The following SPMIP4 variants were observed in gnomAD, a reference collection of about 807,000 sequenced individuals.
SPMIP4 encodes the protein sperm microtubule inner protein 4.
the SPMIP4 span, chr7:25,151,778 G>A: frequency 3.2e-6 from 2 of 633,838 alleles, no homozygotes; most frequent in Admixed American, 2.8e-5. Context: ...GGTAGAGATG[G>A]ATGTTGGTGT....
the SPMIP4 span, chr7:25,142,807 C>G: frequency 6.6e-6 from 10 of 1,520,150 alleles, no homozygotes; most frequent in Admixed American, 2.2e-4. Flanking sequence ...CTCAACACCT[C>G]TGGGAAACTA....
At chr7:25,149,859 G>A in the SPMIP4 span, among the ~76,000 whole-genome samples, 1 of 152,170 alleles carries the variant, frequency 6.6e-6, no homozygotes, top group East Asian at 1.9e-4. Context: ...ATGAATTGAA[G>A]CTCAGAAAAG....
chr7:25,134,252 T>A, the SPMIP4 span, among the ~76,000 whole-genome samples: 1 of 147,380 alleles, frequency 6.8e-6, no homozygotes, highest in Admixed American at 6.8e-5. Flanking sequence ...AGTGTGAGAC[T>A]CTGACTTAAA....
chr7:25,165,857 A>G, the SPMIP4 span, among the ~76,000 whole-genome samples: 1 of 152,216 alleles, frequency 6.6e-6, no homozygotes, highest in East Asian at 1.9e-4. Context: ...GTGACAGTCC[A>G]CTGGCACTCA....
chr7:25,152,096 C>A, the SPMIP4 span, among the ~76,000 whole-genome samples: 1 of 151,880 alleles, frequency 6.6e-6, no homozygotes. Flanking sequence ...TAGTACTTCA[C>A]CTTTCTTCTT....
At chr7:25,160,152 G>A in the SPMIP4 span, among the ~76,000 whole-genome samples, 1 of 134,968 alleles carries the variant, frequency 7.4e-6, no homozygotes, top group Non-Finnish European at 1.7e-5. Flanking sequence ...TCACCAAAGG[G>A]ATAAACCGAG....
chr7:25,155,244 GGTT>G, the SPMIP4 span: 1 of 1,448,932 alleles, frequency 6.9e-7, no homozygotes, highest in Non-Finnish European at 9.2e-7. Flanking sequence ...AAAGAAGTAT[GGTT>G]GAAAAAATTA....
At chr7:25,135,581 T>C in the SPMIP4 span, 1 of 905,442 alleles carries the variant, frequency 1.1e-6, no homozygotes, top group Non-Finnish European at 1.3e-6. Context: ...CTATAATTTG[T>C]ATAGTCATTC....
the SPMIP4 span, among the ~76,000 whole-genome samples, chr7:25,169,961 TG>T: frequency 2.0e-5 from 3 of 152,254 alleles, no homozygotes; most frequent in Non-Finnish European, 4.4e-5. Flanking sequence ...GATGGACATT[TG>T]GGTTATTTTC....
the SPMIP4 span, among the ~76,000 whole-genome samples, chr7:25,134,447 A>G: frequency 6.6e-6 from 1 of 152,174 alleles, no homozygotes; most frequent in African/African-American, 2.4e-5. Flanking sequence ...CTGTCATCAA[A>G]TAAGGGCAGA....
chr7:25,127,160 G>T, the SPMIP4 span, among the ~76,000 whole-genome samples: 1 of 152,058 alleles, frequency 6.6e-6, no homozygotes, highest in Non-Finnish European at 1.5e-5. Flanking sequence ...ATGTTTTGGG[G>T]TGTCTTCGTT....
At chr7:25,147,326 A>G in the SPMIP4 span, among the ~76,000 whole-genome samples, 38,660 of 152,116 alleles carry the variant, frequency 0.25, 5,676 homozygotes, top group African/African-American at 0.41. Flanking sequence ...ATGTTTGCCA[A>G]TTGGAAAAGG....
At chr7:25,142,216 CTG>C in the SPMIP4 span, 11 of 1,558,234 alleles carry the variant, frequency 7.1e-6, no homozygotes, top group East Asian at 2.5e-4. Flanking sequence ...CCCAAAATAA[CTG>C]AGAGTTGACT....
the SPMIP4 span, chr7:25,158,633 C>T: frequency 3.7e-5 from 33 of 903,446 alleles, no homozygotes; most frequent in Non-Finnish European, 5.4e-5. Flanking sequence ...GGCATGGTGG[C>T]TCATGCCTGT....
chr7:25,162,968 C>T, the SPMIP4 span, among the ~76,000 whole-genome samples: 1 of 152,242 alleles, frequency 6.6e-6, no homozygotes, highest in South Asian at 2.1e-4. Context: ...ACCATGTTGG[C>T]CAGGCTGGTC....
At chr7:25,136,000 C>T in the SPMIP4 span, 2 of 1,609,194 alleles carry the variant, frequency 1.2e-6, no homozygotes, top group Non-Finnish European at 1.7e-6. Flanking sequence ...GGAATTATGG[C>T]CATAGAATTG....
chr7:25,165,324 T>A, the SPMIP4 span, among the ~76,000 whole-genome samples: 1 of 152,206 alleles, frequency 6.6e-6, no homozygotes, highest in Non-Finnish European at 1.5e-5. Context: ...GTATAGAATA[T>A]TGGGACAAGA....
the SPMIP4 span, chr7:25,142,577 A>G: frequency 8.7e-6 from 12 of 1,382,066 alleles, no homozygotes; most frequent in African/African-American, 1.8e-4. Context: ...AAAGCTTGTC[A>G]TAGCATTTGT....
chr7:25,128,177 G>A, the SPMIP4 span, among the ~76,000 whole-genome samples: 1,519 of 152,330 alleles, frequency 1.0e-2, 23 homozygotes, highest in African/African-American at 0.033. The surrounding 1 kb of genome is among the most constrained non-coding windows in gnomAD (Gnocchi z 4.5). Context: ...ACTGGGTCTG[G>A]TCCAAGGCTT....
Sources: gnomAD v4.1 joint callset for allele counts (sites outside exome capture counted in the v4.1 genomes callset) on GRCh38, gnomAD v4.1.1 for gene constraint, Gnocchi (gnomAD v3.1) non-coding constraint, MANE v1.5 for transcripts, NCBI Gene and HGNC (gene_info 2026-07-23, HGNC 2026-07-21) for gene names.